The following DNM3 variants were observed in gnomAD, a reference collection of about 807,000 sequenced individuals.
The protein encoded by DNM3 is dynamin 3.
In DNM3, 47 loss-of-function variants were observed where a neutral mutation model predicts 101.6. That is an observed-to-expected ratio of 0.46 (90% CI 0.37 to 0.59). The LOEUF is 0.59. Ranked by LOEUF, DNM3 falls within the 20% of genes least tolerant of loss-of-function variation. The pLI is 0.00. For missense variants in DNM3, 849 were observed against 1,085.7 expected (o/e 0.78, Z 3.06); for synonymous variants, 385 against 387.9 (o/e 0.99, Z 0.09).
chr1:172,289,773 T>C (rs1351118303), intron 15 of DNM3: 1 of 985,082 alleles, frequency 1.0e-6, no homozygotes, highest in Non-Finnish European at 1.2e-6. Context: ...AAACAGTGTG[T>C]AATTATACTT....
At chr1:172,326,243 GA>G (rs66774735) in intron 17 of DNM3, among the ~76,000 whole-genome samples, 79,798 of 151,440 alleles carry the variant, frequency 0.53, 21,519 homozygotes, top group Middle Eastern at 0.67. Context: ...AGTTGCTCAG[GA>G]AAAATTTTCC....
chr1:172,380,827 G>C (rs1048792408), intron 18 of DNM3: 1 of 151,430 alleles, frequency 6.6e-6, no homozygotes, highest in East Asian at 1.9e-4. Context: ...CCTGATTAAG[G>C]ATCATTTATC....
chr1:172,224,418 ATTTGT>A (rs2061025237), intron 14 of DNM3, among the ~76,000 whole-genome samples: 2 of 152,152 alleles, frequency 1.3e-5, no homozygotes, highest in African/African-American at 4.8e-5. Context: ...GCTGTACTCT[ATTTGT>A]TTTATTTCAA....
chr1:172,012,125 T>C (rs2047168177), intron 4 of DNM3, among the ~76,000 whole-genome samples: 1 of 152,052 alleles, frequency 6.6e-6, no homozygotes, highest in Non-Finnish European at 1.5e-5. Context: ...CCACAATAAG[T>C]AGACTCAAAC....
At chr1:172,135,877 T>A (rs2057196663) in intron 14 of DNM3, among the ~76,000 whole-genome samples, 1 of 152,110 alleles carries the variant, frequency 6.6e-6, no homozygotes, top group Non-Finnish European at 1.5e-5. Context: ...AAATTTGTTT[T>A]AAAAATACAT....
chr1:172,315,528 C>T (rs139214165), intron 16 of DNM3, among the ~76,000 whole-genome samples: 1 of 152,040 alleles, frequency 6.6e-6, no homozygotes, highest in African/African-American at 2.4e-5. Flanking sequence ...ATAACCAATA[C>T]AGAGAAGTGC....
At chr1:172,370,414 A>G (rs1174042506) in intron 17 of DNM3, 1 of 152,030 alleles carries the variant, frequency 6.6e-6, no homozygotes, top group Non-Finnish European at 1.5e-5. Flanking sequence ...CTAATAAGCA[A>G]AAGCAGTGAG....
In DNM3 at chr1:172,105,569, A is replaced by AAAAT. The variant is rs574428477; in HGVS notation, c.1545+12695_1545+12698dup. 1.3e-3 allele frequency among the ~76,000 whole-genome samples: 193 copies of AAAAT among 152,252 alleles called. 3 individuals carry two copies. In the South Asian group the frequency reaches 0.038, roughly 30 times the overall value. On this transcript the variant is annotated intron_variant, in intron 13 of 20. Coordinates refer to ENST00000627582, the MANE Select transcript of DNM3 (RefSeq NM_015569.5). ...TTTTCCTTTTATTATTCTTTTTTCA[A>AAAAT]AAATGAGTTTTGCTTTTGTAGATTA... is the stretch of plus-strand genomic sequence containing the variant.
intron 14 of DNM3, among the ~76,000 whole-genome samples, chr1:172,241,988 CCTTGA>C (rs1333294601): frequency 4.6e-5 from 7 of 152,250 alleles, no homozygotes; most frequent in South Asian, 4.1e-4. Context: ...CAGTTAAGAG[CCTTGA>C]CTTGTCTAAT....
Position 171,987,557 on chromosome 1 carries a change from G to A in DNM3, c.236-99G>A, listed in dbSNP as rs2045348235. 5 of 1,229,632 alleles carry A rather than the reference G, an allele frequency of 4.1e-6. 1 individual carries two copies. Among genetic ancestry groups the A allele is most frequent in the Non-Finnish European group, 1.1e-6 (1 of 902,624 alleles). 76.2% of individuals were successfully genotyped at this position (1,229,632 alleles called of 1,614,324 possible). On this transcript the variant is annotated intron_variant, in intron 2 of 20. Transcript: ENST00000627582. Reference sequence around the variant, plus strand: ...GTGGGATGTTCATGAAGGAAGAAGAGAGAATATTGGATACTTTGACTTATA... The same window carrying A: ...GTGGGATGTTCATGAAGGAAGAAGAAAGAATATTGGATACTTTGACTTATA...
rs918341700 is a variant in DNM3, at chr1:172,409,957, C to T, written c.*2116C>T. 1 of 985,438 alleles carries T rather than the reference C, an allele frequency of 1.0e-6. No homozygotes were observed. Among genetic ancestry groups the T allele is most frequent in the African/African-American group, 1.7e-5 (1 of 57,148 alleles). The allele number at this position is 985,438 out of a possible 1,614,324, so 61.0% of individuals were successfully genotyped here. A position where few individuals can be genotyped will look rare whatever the true frequency, so the allele number is the denominator to read the frequency against. On this transcript the variant is annotated 3_prime_UTR_variant, in exon 21 of 21. Coordinates refer to ENST00000627582, the MANE Select transcript of DNM3 (RefSeq NM_015569.5). ...TCAAAAAAAATTGGAGATTTTTTTCCAATTTTCCTTCCACTGATCTTAGGC... is the reference window on the plus strand; with the variant it reads ...TCAAAAAAAATTGGAGATTTTTTTCTAATTTTCCTTCCACTGATCTTAGGC...
intron 2 of DNM3, among the ~76,000 whole-genome samples, chr1:171,977,841 C>A (rs1217949328): frequency 6.6e-6 from 1 of 152,172 alleles, no homozygotes; most frequent in African/African-American, 2.4e-5. Flanking sequence ...CAATCTCTTC[C>A]ACACGGTGGC....
At chr1:172,162,862 T>C (rs12117047) in intron 14 of DNM3, among the ~76,000 whole-genome samples, 42,603 of 151,976 alleles carry the variant, frequency 0.28, 6,749 homozygotes, top group East Asian at 0.43. Context: ...TTGAATAATA[T>C]ATGCAAAAGA....
intron 14 of DNM3, among the ~76,000 whole-genome samples, chr1:172,239,092 C>T (rs1350443986): frequency 6.6e-6 from 1 of 152,158 alleles, no homozygotes; most frequent in Non-Finnish European, 1.5e-5. Flanking sequence ...CTCTATATGG[C>T]TATGGACGCA....
At chr1:172,296,520 T>G (rs532234546) in intron 15 of DNM3, among the ~76,000 whole-genome samples, 1 of 152,162 alleles carries the variant, frequency 6.6e-6, no homozygotes, top group Non-Finnish European at 1.5e-5. Context: ...TTTCACAAAC[T>G]CCTACCTGAA....
intron 11 of DNM3, among the ~76,000 whole-genome samples, chr1:172,072,724 C>T (rs2125951485): frequency 6.6e-6 from 1 of 152,178 alleles, no homozygotes; most frequent in African/African-American, 2.4e-5. Context: ...CCCATCTCTA[C>T]AAAAGTACAA....
At chr1:172,290,539 A>G (rs2063867664) in intron 15 of DNM3, among the ~76,000 whole-genome samples, 1 of 152,170 alleles carries the variant, frequency 6.6e-6, no homozygotes, top group Non-Finnish European at 1.5e-5. Flanking sequence ...AGGGGGCAAG[A>G]AGTCCAGACC....
chr1:172,212,483 A>G (rs961780528), intron 14 of DNM3, among the ~76,000 whole-genome samples: 4 of 152,282 alleles, frequency 2.6e-5, no homozygotes, highest in African/African-American at 9.6e-5. Context: ...AAATTAACCT[A>G]TTCCTTATCT....
chr1:172,281,492 G>A (rs1485433443), intron 15 of DNM3, among the ~76,000 whole-genome samples: 1 of 152,094 alleles, frequency 6.6e-6, no homozygotes, highest in Non-Finnish European at 1.5e-5. Flanking sequence ...GAGCCATATG[G>A]AGCTCTAATA....
Sources: allele counts gnomAD v4.1 joint callset (sites outside exome capture counted in the v4.1 genomes callset), GRCh38; gene constraint gnomAD v4.1.1; transcripts MANE v1.5; gene names NCBI Gene and HGNC (gene_info 2026-07-23, HGNC 2026-07-21).